Variants in USP25 observed in about 807,000 individuals in gnomAD.
The protein encoded by USP25 is ubiquitin carboxyl-terminal hydrolase 25.
In USP25, 85 loss-of-function variants were observed where a neutral mutation model predicts 158.5. The observed-to-expected ratio is 0.54, with a 90% CI of 0.45 to 0.64. USP25 has a LOEUF of 0.64. Ranked by LOEUF, USP25 falls within the 30% of genes least tolerant of loss-of-function variation. The pLI is 0.00. For synonymous variants in USP25, 464 were observed against 460.4 expected, an observed-to-expected ratio of 1.01 and a Z score of -0.10; for missense variants, 1,242 against 1,327.3, an observed-to-expected ratio of 0.94 and a Z score of 1.00.
chr21:15,832,752 C>G (rs1309645694), intron 16 of USP25, among the ~76,000 whole-genome samples: 1 of 151,634 alleles, frequency 6.6e-6, no homozygotes, highest in African/African-American at 2.4e-5. Flanking sequence ...GGCGCGGTGG[C>G]TTATGCCTGT....
At chr21:15,870,337 A>G (rs920770839) in intron 23 of USP25, among the ~76,000 whole-genome samples, 190 bp downstream of exon 23, 2 of 152,154 alleles carry the variant, frequency 1.3e-5, no homozygotes, top group East Asian at 3.9e-4. Flanking sequence ...CCCCACATAA[A>G]ATATATTTTC....
At chr21:15,740,435 C>T (rs2031926129) in intron 1 of USP25, among the ~76,000 whole-genome samples, 1 of 152,056 alleles carries the variant, frequency 6.6e-6, no homozygotes, top group South Asian at 2.1e-4. Flanking sequence ...TCCATCAGTG[C>T]AGCAACATGT....
At chr21:15,873,171 A>G (rs557034539) in intron 23 of USP25, among the ~76,000 whole-genome samples, 98 of 151,900 alleles carry the variant, frequency 6.5e-4, no homozygotes, top group African/African-American at 2.3e-3. Flanking sequence ...ATGCAGTGGT[A>G]TGATCATGGC....
At chr21:15,811,716 C>T (rs1199608741) in intron 9 of USP25, among the ~76,000 whole-genome samples, 1 of 152,182 alleles carries the variant, frequency 6.6e-6, no homozygotes, top group Non-Finnish European at 1.5e-5. Context: ...AGTGATACTA[C>T]TCCATTTAAG....
At chr21:15,814,259 A>G (rs948566483) in intron 9 of USP25, among the ~76,000 whole-genome samples, 14 of 151,300 alleles carry the variant, frequency 9.3e-5, no homozygotes, top group African/African-American at 3.1e-4. Flanking sequence ...GCCATGTGGA[A>G]CTGTAAGTCC....
At chr21:15,853,306 C>T (rs761867792) in intron 20 of USP25, among the ~76,000 whole-genome samples, 1 of 151,816 alleles carries the variant, frequency 6.6e-6, no homozygotes, top group East Asian at 1.9e-4. Flanking sequence ...TGTGTACACA[C>T]AGGTACACAC....
intron 5 of USP25, 97 bp downstream of exon 5, chr21:15,791,761 C>T: frequency 7.6e-7 from 1 of 1,319,858 alleles, no homozygotes; most frequent in Non-Finnish European, 1.0e-6. Flanking sequence ...AAGATAAGTA[C>T]AGATAAGTTT....
chr21:15,769,325 A>T (rs912022184), intron 3 of USP25, among the ~76,000 whole-genome samples: 33 of 152,234 alleles, frequency 2.2e-4, no homozygotes, highest in African/African-American at 7.5e-4. Context: ...TGTGCTCTGC[A>T]TAAAAAAGAA....
At chr21:15,802,050 T>C (rs1035541971) in intron 6 of USP25, among the ~76,000 whole-genome samples, 3 of 151,544 alleles carry the variant, frequency 2.0e-5, no homozygotes, top group African/African-American at 7.2e-5. Flanking sequence ...CACACAGATA[T>C]ACATTTGGTT....
At chr21:15,872,405 A>G (rs1330672960) in intron 23 of USP25, among the ~76,000 whole-genome samples, 4 of 152,222 alleles carry the variant, frequency 2.6e-5, no homozygotes, top group African/African-American at 7.2e-5. Flanking sequence ...TTTCAGAGCA[A>G]TTCTCAAAGA....
chr21:15,799,826 T>G lies in USP25; in HGVS notation c.625T>G (p.Leu209Val). 1.2e-6 allele frequency: 2 copies of G among 1,603,836 alleles called. No individual in the cohort carries two copies. Among genetic ancestry groups the G allele is most frequent in the Non-Finnish European group, 1.7e-6 (2 of 1,174,020 alleles). The change falls in exon 6 of 26, where the codon TTA becomes GTA. Residue 209 changes from leucine (L) to valine (V), a missense_variant. This residue lies in a region of USP25 where 627 missense variants were observed against 701.4 expected (regional missense o/e 0.89). Transcript: ENST00000400183. ...NYKPPSNAQD[L>V]PRNQKEHRNL... Reference sequence around the variant, plus strand: ...CAAGCCTCCATCAAATGCTCAAGATTTACCCCGAAACCAAAAGGTAAAATT... The same window carrying G: ...CAAGCCTCCATCAAATGCTCAAGATGTACCCCGAAACCAAAAGGTAAAATT...
intron 1 of USP25, among the ~76,000 whole-genome samples, chr21:15,741,562 A>G (rs892257051): frequency 6.6e-6 from 1 of 152,156 alleles, no homozygotes; most frequent in African/African-American, 2.4e-5. Flanking sequence ...TCATTGTGGT[A>G]GTAATTGTAT....
chr21:15,844,643 GA>G (rs1286037280), intron 18 of USP25, among the ~76,000 whole-genome samples: 1 of 152,018 alleles, frequency 6.6e-6, no homozygotes. Flanking sequence ...CTGCTTTTTA[GA>G]AAAATGTCTT....
chr21:15,868,210 C>T (rs1404943702), intron 22 of USP25, among the ~76,000 whole-genome samples: 2 of 152,078 alleles, frequency 1.3e-5, no homozygotes, highest in Admixed American at 1.3e-4. Flanking sequence ...GGTAGAAGCC[C>T]AAAGACATTC....
intron 10 of USP25, among the ~76,000 whole-genome samples, chr21:15,820,971 A>G (rs2037203126): frequency 6.6e-6 from 1 of 152,022 alleles, no homozygotes; most frequent in Non-Finnish European, 1.5e-5. Flanking sequence ...ATCCAAAATA[A>G]CTGCTTAAAT....
intron 1 of USP25, among the ~76,000 whole-genome samples, chr21:15,754,854 C>G (rs1379132949): frequency 6.6e-6 from 1 of 152,152 alleles, no homozygotes; most frequent in Non-Finnish European, 1.5e-5. Flanking sequence ...TCTTTGCTTT[C>G]TGGCTATTTA....
chr21:15,772,252 C>T (rs917617788), intron 3 of USP25, among the ~76,000 whole-genome samples: 4 of 152,146 alleles, frequency 2.6e-5, no homozygotes, highest in Admixed American at 1.3e-4. Context: ...AAGTTTTACT[C>T]ATGGTATTCC....
chr21:15,853,749 A>G (rs1004171190), intron 20 of USP25, among the ~76,000 whole-genome samples: 9 of 152,012 alleles, frequency 5.9e-5, no homozygotes, highest in African/African-American at 1.9e-4. Flanking sequence ...CAAGTTTGCA[A>G]TTAGGGTTAT....
At chr21:15,785,807 C>T (rs1362569574) in intron 4 of USP25, among the ~76,000 whole-genome samples, 1 of 151,578 alleles carries the variant, frequency 6.6e-6, no homozygotes, top group African/African-American at 2.4e-5. Flanking sequence ...AATAATAAAG[C>T]TTAGAGCAGA....
Sources: allele counts gnomAD v4.1 joint callset (sites outside exome capture counted in the v4.1 genomes callset), GRCh38; gene constraint gnomAD v4.1.1; regional missense constraint gnomAD v4.1.1; transcripts MANE v1.5; gene names NCBI Gene and HGNC (gene_info 2026-07-23, HGNC 2026-07-21).